The following METTL25B variants were observed in gnomAD, a reference collection of about 807,000 sequenced individuals.
The protein encoded by METTL25B is methyltransferase like 25B, also known as methyltransferase-like protein 25B.
Under a neutral mutation model 48.4 loss-of-function variants are expected in METTL25B, and 38 were observed. That is an observed-to-expected ratio of 0.78 (90% CI 0.61 to 1.03). The LOEUF is 1.03. METTL25B is among the 50% of genes least tolerant of loss of function. The pLI, the probability that METTL25B is intolerant of heterozygous loss-of-function variation, is 0.00. For synonymous variants in METTL25B, 230 were observed against 254.5 expected, an observed-to-expected ratio of 0.90 and a Z score of 0.92; for missense variants, 537 against 603.7, an observed-to-expected ratio of 0.89 and a Z score of 1.16.
At chr1:156,732,861 C>A in intron 3 of METTL25B, 124 bp from the exon 4 acceptor site, 1 of 833,254 alleles carries the variant, frequency 1.2e-6, no homozygotes, top group Non-Finnish European at 2.0e-6. Context: ...AATCTGTCTT[C>A]ACATCCAGGG....
intron 7 of METTL25B, 198 bp from the exon 8 acceptor site, chr1:156,736,434 A>G: frequency 3.5e-6 from 2 of 573,432 alleles, no homozygotes; most frequent in South Asian, 4.8e-5. Flanking sequence ...CTTCCCAGGC[A>G]TCGAGAACCT....
chr1:156,734,373 C>T lies in METTL25B; in HGVS notation c.1001C>T (p.Pro334Leu). The change falls in exon 6 of 8, where the codon CCT becomes CTT. Residue 334 changes from proline (P) to leucine (L), a missense_variant. Coordinates refer to ENST00000368216, the MANE Select transcript of METTL25B (RefSeq NM_015997.4). The part of the protein sequence containing the change: ...EYAERLQKAG[P>L]GLRTHCYRAA... ...GCTGAGCGGCTACAGAAAGCTGGCC[C>T]TGGCCTTCGAACTCACTGCTACCGT... The T allele has an allele frequency of 6.2e-7, 1 of 1,613,900 alleles. No individual in the cohort carries two copies. Among genetic ancestry groups the T allele is most frequent in the Non-Finnish European group, 8.5e-7 (1 of 1,179,924 alleles).
In METTL25B at chr1:156,735,853, C is replaced by T; in HGVS notation, c.1250C>T (p.Ala417Val). 1 of 1,613,038 alleles carries T rather than the reference C, an allele frequency of 6.2e-7. No individual in the cohort carries two copies. The highest frequency in any genetic ancestry group is 8.5e-7 in the Non-Finnish European group (1 of 1,179,706). ...TTCTTCAGCCTGGCTCTACTGCTTG[C>T]CCCACTGGTGGAGACGCTTATTCTA... ...VAFFSLALLLAPLVETLILLD... is the reference protein window; with the variant it reads ...VAFFSLALLLVPLVETLILLD... Residue 417 changes from alanine (A) to valine (V), a missense_variant, in exon 7 of 8, where the codon GCC becomes GTC. Physicochemically the swap from Ala to Val is moderately conservative, Grantham distance 64 (BLOSUM62 0). Coordinates refer to ENST00000368216, the MANE Select transcript of METTL25B (RefSeq NM_015997.4).
intron 6 of METTL25B, 45 bp downstream of exon 6, chr1:156,734,538 T>C (rs1337330106): frequency 3.1e-5 from 38 of 1,236,480 alleles, no homozygotes; most frequent in Non-Finnish European, 3.3e-5. Context: ...GGAGATTTCT[T>C]TTTTTTTTTT....
In METTL25B at chr1:156,733,459, C is replaced by G; in HGVS notation, c.575C>G (p.Ala192Gly). 1 of 1,614,046 alleles carries G rather than the reference C, an allele frequency of 6.2e-7. No homozygotes were observed. Among genetic ancestry groups the G allele is most frequent in the Non-Finnish European group, 8.5e-7 (1 of 1,179,972 alleles). Residue 192 changes from alanine (A) to glycine (G), a missense_variant, in exon 5 of 8, where the codon GCC (alanine) becomes GGC (glycine). Ala to Gly is a moderately conservative substitution (Grantham distance 60). Coordinates refer to ENST00000368216, the MANE Select transcript of METTL25B (RefSeq NM_015997.4). ...GGGGATCAGAGACTGGTGGAGAGAG[C>G]CCAGCGCCTGGACCAGGAGCTTCTG... ...IEGDQRLVER[A>G]QRLDQELLQA...
rs763549989 is a variant in METTL25B, at chr1:156,733,435, G to A, written c.551G>A (p.Gly184Glu). Residue 184 changes from glycine to glutamate, a missense_variant, in exon 5 of 8, where the codon GGG (glycine) becomes GAG (glutamate). By Grantham distance (98) the Gly-to-Glu change is moderately conservative. Transcript: ENST00000368216. Reference protein sequence around the residue: ...GLGLMVKSIEGDQRLVERAQR... With the variant: ...GLGLMVKSIEEDQRLVERAQR... ...GGGTTGATGGTGAAGAGCATCGAAG[G>A]GGATCAGAGACTGGTGGAGAGAGCC... 6.2e-7 allele frequency: 1 copy of A among 1,613,974 alleles called. No individual in the cohort carries two copies. The highest frequency in any genetic ancestry group is 8.5e-7 in the Non-Finnish European group (1 of 1,179,988).
intron 4 of METTL25B, 133 bp downstream of exon 4, chr1:156,733,180 ATT>A: frequency 1.8e-6 from 2 of 1,090,908 alleles, no homozygotes; most frequent in Non-Finnish European, 2.6e-6. Context: ...TCTTTGCATA[ATT>A]TTTTTTAAGC....
rs137875660 is a variant in METTL25B, at chr1:156,730,151, T to C, written c.111+936T>C. On this transcript the variant is annotated intron_variant, in intron 1 of 7. Transcript: ENST00000368216. ...AGCAGCTAGATTGATAGCATTCAAATGTAAATCTGATCACGACAATCCCTT... is the reference window on the plus strand; with the variant it reads ...AGCAGCTAGATTGATAGCATTCAAACGTAAATCTGATCACGACAATCCCTT... 4.6e-3 allele frequency among the ~76,000 whole-genome samples: 698 copies of C among 152,346 alleles called. 1 individual carries two copies. The highest frequency in any genetic ancestry group is 0.017 in the Middle Eastern group (5 of 294).
intron 1 of METTL25B, 116 bp downstream of exon 1, chr1:156,729,331 G>C: frequency 1.6e-6 from 1 of 642,720 alleles, no homozygotes; most frequent in Non-Finnish European, 2.7e-6. Flanking sequence ...ATGAGTTTCA[G>C]TCTTTTTCTG....
intron 1 of METTL25B, among the ~76,000 whole-genome samples, chr1:156,730,762 AT>A (rs1463527587): frequency 6.6e-6 from 1 of 152,114 alleles, no homozygotes; most frequent in Non-Finnish European, 1.5e-5. Flanking sequence ...CAGCTCAGCT[AT>A]TTGCTAGCTT....
intron 7 of METTL25B, chr1:156,736,228 C>G (rs116716435): frequency 2.3e-5 from 6 of 261,052 alleles, no homozygotes; most frequent in Non-Finnish European, 4.4e-5. Context: ...GGTATGGTGG[C>G]GCACACCTGT....
chr1:156,736,061 G>T, intron 7 of METTL25B, 152 bp downstream of exon 7: 1 of 623,870 alleles, frequency 1.6e-6, no homozygotes, highest in South Asian at 2.9e-5. Flanking sequence ...GGGAGTAGGG[G>T]ATTTGTTAAA....
In METTL25B at chr1:156,733,362, T is replaced by A. The variant is rs1189843503; in HGVS notation, c.493-15T>A. On this transcript the variant is annotated splice_polypyrimidine_tract_variant and intron_variant, in intron 4 of 7. Transcript: ENST00000368216. ...GCACTGAACAGGGCTGTTTCCATCCTCCTCGTGACTCCAGGGCCATCTCTC... is the reference window on the plus strand; with the variant it reads ...GCACTGAACAGGGCTGTTTCCATCCACCTCGTGACTCCAGGGCCATCTCTC... 6.2e-7 allele frequency: 1 copy of A among 1,613,920 alleles called. No homozygotes were observed. The highest frequency in any genetic ancestry group is 8.5e-7 in the Non-Finnish European group (1 of 1,179,886).
rs749789447 is a variant in METTL25B, at chr1:156,733,473, C to T, written c.589C>T (p.Gln197Ter). 6 of 1,613,958 alleles carry T rather than the reference C, an allele frequency of 3.7e-6. No individual in the cohort carries two copies. Among genetic ancestry groups the T allele is most frequent in the Non-Finnish European group, 5.1e-6 (6 of 1,180,012 alleles). Residue 197 changes from glutamine to a stop codon, truncating the protein, a stop_gained, in exon 5 of 8, where the codon CAG becomes TAG. Transcript: ENST00000368216. LOFTEE classifies it high-confidence loss of function. ...GGTGGAGAGAGCCCAGCGCCTGGAC[C>T]AGGAGCTTCTGCAGGCTCTGGAGAA... Reference protein sequence around the residue: ...RLVERAQRLDQELLQALEKEE... With the variant: ...RLVERAQRLD
intron 6 of METTL25B, among the ~76,000 whole-genome samples, chr1:156,735,203 C>T (rs1039532275): frequency 3.3e-5 from 5 of 151,284 alleles, no homozygotes; most frequent in African/African-American, 9.7e-5. Flanking sequence ...GCAGGAAAAT[C>T]GTTTGAACCC....
chr1:156,730,892 A>G (rs146240702), intron 1 of METTL25B, among the ~76,000 whole-genome samples: 26 of 152,356 alleles, frequency 1.7e-4, no homozygotes, highest in Non-Finnish European at 3.4e-4. Context: ...AATACATGTC[A>G]AATGTTTACA....
chr1:156,732,700 A>G lies in METTL25B; in HGVS notation c.429+227A>G, dbSNP rs554065985. On this transcript the variant is annotated intron_variant, in intron 3 of 7. Coordinates refer to ENST00000368216, the MANE Select transcript of METTL25B (RefSeq NM_015997.4). ...AATCACTGTCTCATTCCTGTTCCCA[A>G]ATCTCCACAATCTGCTCATGGCTTC... 4.6e-5 allele frequency among the ~76,000 whole-genome samples: 7 copies of G among 152,052 alleles called. No individual in the cohort carries two copies. The South Asian group carries it at 1.2e-3, about 27-fold the overall frequency.
intron 3 of METTL25B, 36 bp from the exon 4 acceptor site, chr1:156,732,949 C>T (rs776311909): frequency 3.3e-5 from 52 of 1,593,770 alleles, no homozygotes; most frequent in Non-Finnish European, 4.2e-5. Context: ...AGTCAATAAC[C>T]AGTGGCTAGG....
intron 6 of METTL25B, 101 bp downstream of exon 6, chr1:156,734,594 C>T (rs1224691051): frequency 2.6e-5 from 34 of 1,288,172 alleles, no homozygotes; most frequent in South Asian, 7.8e-5. Flanking sequence ...TGCAGTGGAG[C>T]GATCTCGGCT....
Sources: allele counts gnomAD v4.1 joint callset (sites outside exome capture counted in the v4.1 genomes callset), GRCh38; gene constraint gnomAD v4.1.1; transcripts MANE v1.5; gene names NCBI Gene and HGNC (gene_info 2026-07-23, HGNC 2026-07-21).